The following PLD5 variants were observed in gnomAD, a reference collection of about 807,000 sequenced individuals.
The protein encoded by PLD5 is inactive phospholipase D5.
A neutral mutation model predicts 61.1 loss-of-function variants in PLD5; 36 were observed. The observed-to-expected ratio is 0.59, with a 90% confidence interval of 0.45 to 0.78. The LOEUF is 0.78. PLD5 is among the 30% of genes least tolerant of loss of function. The pLI, the probability that PLD5 is intolerant of heterozygous loss-of-function variation, is 0.00. For synonymous variants in PLD5, 243 were observed against 242.8 expected (o/e 1.00, Z -0.01); for missense variants, 515 against 644.4 (o/e 0.80, Z 2.17).
At chr1:242,440,419 T>C (rs1327990034) in intron 1 of PLD5, among the ~76,000 whole-genome samples, 1 of 152,064 alleles carries the variant, frequency 6.6e-6, no homozygotes, top group Non-Finnish European at 1.5e-5. Flanking sequence ...ACACCCCACC[T>C]AAGTGTAGTT....
intron 1 of PLD5, among the ~76,000 whole-genome samples, chr1:242,395,043 G>GTATATATGAATATATATGTA (rs1322996457): frequency 0.017 from 1,180 of 67,444 alleles, 60 homozygotes; most frequent in African/African-American, 0.07. Context: ...GAATGTATAT[G>GTATATATGAATATATATGTA]TATATATGAA....
In PLD5 at chr1:242,207,852, TTATATATTTATATATTTA is replaced by T. The variant is rs1558344124; in HGVS notation, c.735+12118_735+12135del. ...TATATATTTATATATTTATATATAT[TTATATATTTATATATTTA>T]TATATATTTATATATTTATATATAT... is the stretch of plus-strand genomic sequence containing the variant. On this transcript the variant is annotated intron_variant, in intron 5 of 9. Coordinates refer to ENST00000536534, the MANE Select transcript of PLD5 (RefSeq NM_001372062.1). Among the ~76,000 whole-genome samples, 217 of 27,804 alleles carry T rather than the reference TTATATATTTATATATTTA, an allele frequency of 7.8e-3. 20 individuals carry two copies. Among genetic ancestry groups the T allele is most frequent in the Non-Finnish European group, 0.01 (179 of 17,120 alleles). 18.2% of individuals were successfully genotyped at this position (27,804 alleles called of 152,430 possible). A position where few individuals can be genotyped will look rare whatever the true frequency, so the allele number is the denominator to read the frequency against.
At chr1:242,383,356 C>T (rs1438433042) in intron 1 of PLD5, among the ~76,000 whole-genome samples, 1 of 151,946 alleles carries the variant, frequency 6.6e-6, no homozygotes. Flanking sequence ...ACTTTCAAGA[C>T]TTTAGTATAT....
At position 242,207,790 on chromosome 1, in the gene PLD5, T is replaced by TTA. The variant is rs1229599260; in HGVS notation, c.735+12196_735+12197dup. On this transcript the variant is annotated intron_variant, in intron 5 of 9. Coordinates refer to ENST00000536534, the MANE Select transcript of PLD5 (RefSeq NM_001372062.1). ...TATATATATTTATATATATTTATAT[T>TTA]TATATATATTTATATATATTTATAT... Among the ~76,000 whole-genome samples the TTA allele has an allele frequency of 5.3e-5, 2 of 37,832 alleles. 1 individual carries two copies. The highest frequency in any genetic ancestry group is 3.7e-4 in the African/African-American group (2 of 5,472). 24.8% of individuals were successfully genotyped at this position (37,832 alleles called of 152,430 possible).
At chr1:242,494,103 C>A (rs1668279149) in intron 1 of PLD5, among the ~76,000 whole-genome samples, 1 of 126,834 alleles carries the variant, frequency 7.9e-6, no homozygotes. Context: ...CCCCTCTCCT[C>A]CCCTCTCCTC....
chr1:242,317,200 A>G (rs1416871177), intron 2 of PLD5, among the ~76,000 whole-genome samples: 1 of 152,004 alleles, frequency 6.6e-6, no homozygotes, highest in Non-Finnish European at 1.5e-5. Flanking sequence ...TCTTTAGTAG[A>G]GACATGGTTT....
chr1:242,320,221 G>A (rs1431134556), intron 2 of PLD5, among the ~76,000 whole-genome samples: 10 of 152,200 alleles, frequency 6.6e-5, no homozygotes, highest in Admixed American at 2.0e-4. Flanking sequence ...TTATATTGCA[G>A]GTGATTTTTT....
intron 1 of PLD5, among the ~76,000 whole-genome samples, chr1:242,467,975 T>C (rs974236399): frequency 6.6e-6 from 1 of 151,996 alleles, no homozygotes; most frequent in African/African-American, 2.4e-5. Flanking sequence ...CTTGGCAGAA[T>C]TAAAATTGTA....
At chr1:242,350,804 C>G (rs1447330167) in intron 1 of PLD5, among the ~76,000 whole-genome samples, 1 of 152,104 alleles carries the variant, frequency 6.6e-6, no homozygotes, top group African/African-American at 2.4e-5. Context: ...ACTCCTCCCT[C>G]AAACATGAAG....
At chr1:242,231,729 T>C (rs1329767042) in intron 4 of PLD5, among the ~76,000 whole-genome samples, 1 of 152,054 alleles carries the variant, frequency 6.6e-6, no homozygotes, top group Non-Finnish European at 1.5e-5. Flanking sequence ...AAAACAATAA[T>C]TCAATAGAGG....
chr1:242,304,312 A>C (rs1676225200), intron 2 of PLD5, among the ~76,000 whole-genome samples: 1 of 152,248 alleles, frequency 6.6e-6, no homozygotes, highest in African/African-American at 2.4e-5. Flanking sequence ...CAGATTGGCC[A>C]CACAGCACAG....
At chr1:242,220,602 C>A (rs1670511327) in intron 4 of PLD5, among the ~76,000 whole-genome samples, 1 of 152,100 alleles carries the variant, frequency 6.6e-6, no homozygotes. Flanking sequence ...CATTTTTCAT[C>A]CTGTGAACCT....
intron 1 of PLD5, among the ~76,000 whole-genome samples, chr1:242,452,702 G>C (rs1192937824): frequency 6.6e-6 from 1 of 152,134 alleles, no homozygotes; most frequent in East Asian, 1.9e-4. Flanking sequence ...TGCAGTCCCA[G>C]TTACTCAGGA....
chr1:242,383,826 A>G (rs1392794179), intron 1 of PLD5, among the ~76,000 whole-genome samples: 5 of 152,142 alleles, frequency 3.3e-5, no homozygotes, highest in Non-Finnish European at 7.4e-5. Flanking sequence ...AGGACTTTGG[A>G]AAAGACCCAC....
At chr1:242,398,048 A>G (rs73128351) in intron 1 of PLD5, among the ~76,000 whole-genome samples, 1,581 of 152,286 alleles carry the variant, frequency 0.01, 28 homozygotes, top group African/African-American at 0.037. Flanking sequence ...TTTCCAAACT[A>G]GGGCTTTCCT....
intron 1 of PLD5, among the ~76,000 whole-genome samples, chr1:242,401,788 T>C (rs1187759393): frequency 1.3e-5 from 2 of 152,218 alleles, no homozygotes; most frequent in Non-Finnish European, 1.5e-5. Context: ...ATAGCTGTTA[T>C]TGGTTTCAAT....
intron 5 of PLD5, among the ~76,000 whole-genome samples, chr1:242,179,863 A>C (rs1259060548): frequency 6.6e-6 from 1 of 152,172 alleles, no homozygotes; most frequent in Non-Finnish European, 1.5e-5. Context: ...AGATTTTGCC[A>C]CTGCACTCCA....
intron 3 of PLD5, among the ~76,000 whole-genome samples, chr1:242,284,882 T>C (rs1296229249): frequency 2.6e-5 from 4 of 152,150 alleles, no homozygotes; most frequent in African/African-American, 9.7e-5. Flanking sequence ...TCCTTCATGT[T>C]TGCAAAGGCA....
At chr1:242,306,229 C>T (rs538231103) in intron 2 of PLD5, among the ~76,000 whole-genome samples, 1 of 145,720 alleles carries the variant, frequency 6.9e-6, no homozygotes, top group East Asian at 2.0e-4. Context: ...AGGGCTGAGA[C>T]TGAATTCCTG....
Sources: allele counts gnomAD v4.1 joint callset (sites outside exome capture counted in the v4.1 genomes callset), GRCh38; gene constraint gnomAD v4.1.1; transcripts MANE v1.5; gene names NCBI Gene and HGNC (gene_info 2026-07-23, HGNC 2026-07-21).